The following FLRT2 variants were observed in gnomAD, a reference collection of about 807,000 sequenced individuals.
FLRT2 encodes the protein leucine-rich repeat transmembrane protein FLRT2.
A neutral mutation model predicts 40.0 loss-of-function variants in FLRT2; 15 were observed. The observed-to-expected ratio is 0.38, with a 90% CI of 0.25 to 0.58. The LOEUF is 0.58. Ranked by LOEUF, FLRT2 falls within the 20% of genes least tolerant of loss-of-function variation. The pLI is 0.71. For missense variants in FLRT2, 726 were observed against 840.0 expected (o/e 0.86, Z 1.68); for synonymous variants, 380 against 336.8 (o/e 1.13, Z -1.41).
chr14:85,558,220 T>C (rs1221095603), intron 1 of FLRT2, among the ~76,000 whole-genome samples: 1 of 152,204 alleles, frequency 6.6e-6, no homozygotes, highest in African/African-American at 2.4e-5. Flanking sequence ...TATTTTTAAT[T>C]TGTAAGCAGA....
Position 85,623,707 on chromosome 14 carries a change from G to GTAAT in FLRT2, c.*213_*214insTTAA. On this transcript the variant is annotated 3_prime_UTR_variant, in exon 2 of 2. Coordinates refer to ENST00000330753, the MANE Select transcript of FLRT2 (RefSeq NM_013231.6). ...TTTCAAGTTAATTACAAACAGTTTT[G>GTAAT]TAACTCTTTGCTTTTTAAATCTTAA... The GTAAT allele has an allele frequency of 2.3e-6, 1 of 426,354 alleles. No individual in the cohort carries two copies. The highest frequency in any genetic ancestry group is 4.1e-6 in the Non-Finnish European group (1 of 241,504). 26.4% of individuals were successfully genotyped at this position (426,354 alleles called of 1,614,324 possible). A position where few individuals can be genotyped will look rare whatever the true frequency, so the allele number is the denominator to read the frequency against.
intron 1 of FLRT2, among the ~76,000 whole-genome samples, chr14:85,594,894 T>C (rs1445957044): frequency 6.6e-6 from 1 of 152,230 alleles, no homozygotes; most frequent in Non-Finnish European, 1.5e-5. Flanking sequence ...ATTTTATATG[T>C]ATTATTGACA....
intron 1 of FLRT2, among the ~76,000 whole-genome samples, chr14:85,571,963 G>A (rs1212501500): frequency 1.3e-5 from 2 of 152,074 alleles, no homozygotes; most frequent in African/African-American, 2.4e-5. Flanking sequence ...AATATTTTGG[G>A]GTCCAGAGCC....
chr14:85,616,750 A>G (rs1298346020), intron 1 of FLRT2, among the ~76,000 whole-genome samples: 1 of 152,198 alleles, frequency 6.6e-6, no homozygotes, highest in Non-Finnish European at 1.5e-5. Context: ...AACTCTTTAC[A>G]TAGAACCCTA....
chr14:85,565,731 G>T (rs1299681105), intron 1 of FLRT2, among the ~76,000 whole-genome samples: 1 of 152,168 alleles, frequency 6.6e-6, no homozygotes, highest in East Asian at 1.9e-4. Context: ...AGCATTAAAA[G>T]AATCCTAGAT....
intron 1 of FLRT2, among the ~76,000 whole-genome samples, chr14:85,590,041 T>G (rs1349289193): frequency 7.3e-6 from 1 of 136,360 alleles, no homozygotes; most frequent in Non-Finnish European, 1.5e-5. Flanking sequence ...TCCTCCAGTT[T>G]TGTTGTTTTT....
chr14:85,600,808 G>C (rs17713055), intron 1 of FLRT2, among the ~76,000 whole-genome samples: 3,220 of 152,138 alleles, frequency 0.021, 57 homozygotes, highest in South Asian at 0.081. Flanking sequence ...AAGAGTTTTT[G>C]GAATAGTGAA....
At chr14:85,541,013 G>A (rs1888957372) in intron 1 of FLRT2, among the ~76,000 whole-genome samples, 1 of 152,130 alleles carries the variant, frequency 6.6e-6, no homozygotes. Context: ...ACTATGGGGA[G>A]GAAGTATGGT....
chr14:85,574,510 C>G (rs1217322499), intron 1 of FLRT2, among the ~76,000 whole-genome samples: 1 of 151,994 alleles, frequency 6.6e-6, no homozygotes, highest in East Asian at 1.9e-4. Context: ...TTGGTACTGC[C>G]CATTAAAATG....
intron 1 of FLRT2, among the ~76,000 whole-genome samples, chr14:85,574,934 T>C (rs1035458643): frequency 7.2e-5 from 11 of 152,160 alleles, no homozygotes; most frequent in African/African-American, 2.7e-4. Flanking sequence ...CCAAACAAGG[T>C]AGGAAACCAA....
chr14:85,604,328 T>C (rs1892515998), intron 1 of FLRT2, among the ~76,000 whole-genome samples: 1 of 152,200 alleles, frequency 6.6e-6, no homozygotes, highest in African/African-American at 2.4e-5. Flanking sequence ...TACTTATGCC[T>C]ATTTCCTCTG....
At chr14:85,562,180 A>G (rs1046739136) in intron 1 of FLRT2, among the ~76,000 whole-genome samples, 1 of 152,230 alleles carries the variant, frequency 6.6e-6, no homozygotes, top group African/African-American at 2.4e-5. Context: ...GTAAGTAACA[A>G]TGCCGTGGAA....
chr14:85,566,941 T>C (rs1346545452), intron 1 of FLRT2, among the ~76,000 whole-genome samples: 1 of 152,194 alleles, frequency 6.6e-6, no homozygotes, highest in Non-Finnish European at 1.5e-5. Flanking sequence ...AGTATTAATA[T>C]TTCTGTTGTG....
At chr14:85,531,494 G>C (rs1237624889) in intron 1 of FLRT2, among the ~76,000 whole-genome samples, 1 of 152,112 alleles carries the variant, frequency 6.6e-6, no homozygotes, top group Non-Finnish European at 1.5e-5. Context: ...AGCTGAGGTC[G>C]GGGTACTGAC....
intron 1 of FLRT2, among the ~76,000 whole-genome samples, chr14:85,541,389 C>T (rs1888978662): frequency 6.6e-6 from 1 of 152,110 alleles, no homozygotes; most frequent in Non-Finnish European, 1.5e-5. Flanking sequence ...GAGAGGTAGA[C>T]ACAAAACCTA....
In FLRT2 at chr14:85,643,005, C is replaced by T. The variant is rs1365105721; in HGVS notation, c.*19508C>T. The T allele has an allele frequency of 2.0e-5, 3 of 152,152 alleles. No homozygotes were observed. Among genetic ancestry groups the T allele is most frequent in the Non-Finnish European group, 4.4e-5 (3 of 68,048 alleles). 9.4% of individuals were successfully genotyped at this position (152,152 alleles called of 1,614,324 possible). A position where few individuals can be genotyped will look rare whatever the true frequency, so the allele number is the denominator to read the frequency against. ...GCAGATCTGGTGTCTGGTGATGCTC[C>T]TCTTTTTGAGTTGTAAACAACTGCC... On this transcript the variant is annotated 3_prime_UTR_variant, in exon 2 of 2. Transcript: ENST00000330753.
At chr14:85,562,827 G>A (rs1281864993) in intron 1 of FLRT2, 2 of 151,800 alleles carry the variant, frequency 1.3e-5, no homozygotes, top group African/African-American at 4.8e-5. Context: ...AATGACCTGG[G>A]GGAAATAGTC....
intron 1 of FLRT2, among the ~76,000 whole-genome samples, chr14:85,534,670 C>A (rs1172787058): frequency 1.3e-5 from 2 of 151,796 alleles, no homozygotes; most frequent in Non-Finnish European, 2.9e-5. Flanking sequence ...CGGAATTTTT[C>A]TCGGTGGCCT....
chr14:85,623,473 A>G lies in FLRT2; in HGVS notation c.1959A>G (p.Pro653=). The G allele has an allele frequency of 1.4e-6, 2 of 1,453,798 alleles. No individual in the cohort carries two copies. The highest frequency in any genetic ancestry group is 1.8e-6 in the Non-Finnish European group (2 of 1,103,802). 90.1% of individuals were successfully genotyped at this position (1,453,798 alleles called of 1,614,324 possible). ...TGCGATACTGCAACAGCAGCGTGCC[A>G]GACCTGGAGCACTGCCATACGTGAC... ...NNMRYCNSSV[P]DLEHCHT The change falls in exon 2 of 2, where the codon CCA becomes CCG. Residue 653 remains proline, a synonymous_variant. Transcript: ENST00000330753.
Sources: gnomAD v4.1 joint callset for allele counts (sites outside exome capture counted in the v4.1 genomes callset) on GRCh38, gnomAD v4.1.1 for gene constraint, MANE v1.5 for transcripts, NCBI Gene and HGNC (gene_info 2026-07-23, HGNC 2026-07-21) for gene names.